KLF12: variants seen among roughly 807,000 people sequenced by gnomAD.
The protein encoded by KLF12 is Krueppel-like factor 12.
A neutral mutation model predicts 37.8 loss-of-function variants in KLF12; 9 were observed. The observed-to-expected ratio is 0.24, with a 90% CI of 0.14 to 0.42. KLF12 has a LOEUF of 0.42. Ranked by LOEUF, KLF12 falls within the 10% of genes least tolerant of loss-of-function variation. The pLI is 1.00. For synonymous variants in KLF12, 208 were observed against 202.1 expected (o/e 1.03, Z -0.25); for missense variants, 411 against 516.0 (o/e 0.80, Z 1.97).
chr13:73,947,991 T>C (rs1368296612), intron 2 of KLF12, among the ~76,000 whole-genome samples: 1 of 152,224 alleles, frequency 6.6e-6, no homozygotes, highest in African/African-American at 2.4e-5. Flanking sequence ...CAAGGGTTCC[T>C]GTCATAAGTC....
the KLF12 span, among the ~76,000 whole-genome samples, chr13:74,179,838 C>G: frequency 6.6e-6 from 1 of 152,150 alleles, no homozygotes; most frequent in African/African-American, 2.4e-5. Context: ...GTACAACAAC[C>G]CGTACTTTCC....
chr13:74,081,769 A>G (rs1874900840), intron 1 of KLF12, among the ~76,000 whole-genome samples: 1 of 152,210 alleles, frequency 6.6e-6, no homozygotes, highest in South Asian at 2.1e-4. Flanking sequence ...ACAATAACCT[A>G]TTCTCCTATA....
At chr13:74,294,340 T>G in the KLF12 span, among the ~76,000 whole-genome samples, 1 of 152,148 alleles carries the variant, frequency 6.6e-6, no homozygotes, top group Non-Finnish European at 1.5e-5. Context: ...TAATGTCACA[T>G]GTTTGGTTTT....
At chr13:74,221,995 T>C in the KLF12 span, among the ~76,000 whole-genome samples, 1 of 152,218 alleles carries the variant, frequency 6.6e-6, no homozygotes, top group Non-Finnish European at 1.5e-5. Flanking sequence ...TCCTTCCCTT[T>C]ACCCTACCAC....
chr13:74,200,999 G>T, the KLF12 span, among the ~76,000 whole-genome samples: 2 of 152,016 alleles, frequency 1.3e-5, no homozygotes, highest in African/African-American at 4.8e-5. Context: ...TTAAATGAAG[G>T]TATACTTGCA....
intron 3 of KLF12, among the ~76,000 whole-genome samples, chr13:73,926,271 A>G (rs1302560259): frequency 6.6e-6 from 1 of 152,110 alleles, no homozygotes; most frequent in Admixed American, 6.6e-5. Context: ...AGCCACCCCA[A>G]CCTCAGCAAC....
chr13:73,973,541 G>A (rs1390196673), intron 2 of KLF12, among the ~76,000 whole-genome samples: 5 of 152,060 alleles, frequency 3.3e-5, no homozygotes, highest in Non-Finnish European at 5.9e-5. Flanking sequence ...ACAGCAAAAC[G>A]GAAGATATAA....
At chr13:74,171,424 C>G in the KLF12 span, among the ~76,000 whole-genome samples, 31 of 152,220 alleles carry the variant, frequency 2.0e-4, no homozygotes, top group East Asian at 5.8e-3. Flanking sequence ...CGGAGGGACT[C>G]TGGAACTTCA....
At chr13:74,268,314 C>T in the KLF12 span, among the ~76,000 whole-genome samples, 4 of 152,060 alleles carry the variant, frequency 2.6e-5, no homozygotes, top group Non-Finnish European at 4.4e-5. Flanking sequence ...GTATTTGTGC[C>T]AACTGAAAAA....
At chr13:73,810,317 A>C (rs544012131) in intron 5 of KLF12, among the ~76,000 whole-genome samples, 13 of 152,338 alleles carry the variant, frequency 8.5e-5, no homozygotes, top group Non-Finnish European at 2.9e-5. Context: ...TTAAACAGTT[A>C]CACATTAAAA....
chr13:73,846,460 T>G, intron 3 of KLF12, 87 bp from the exon 4 acceptor site: 1 of 1,191,184 alleles, frequency 8.4e-7, no homozygotes, highest in East Asian at 2.4e-5. Flanking sequence ...CGTTTATTAC[T>G]TTTTCTCTTA....
At chr13:73,927,073 A>G (rs9318228) in intron 3 of KLF12, among the ~76,000 whole-genome samples, 36,489 of 152,198 alleles carry the variant, frequency 0.24, 4,969 homozygotes, top group East Asian at 0.58. Flanking sequence ...CTTACCACTT[A>G]AAATATAACA....
At chr13:73,957,104 AGAAAG>A (rs1890870354) in intron 2 of KLF12, among the ~76,000 whole-genome samples, 1 of 130,790 alleles carries the variant, frequency 7.6e-6, no homozygotes, top group African/African-American at 2.6e-5. Flanking sequence ...AGGAAAGGAA[AGAAAG>A]GAAAAGAAAG....
intron 1 of KLF12, among the ~76,000 whole-genome samples, chr13:74,059,383 T>C (rs1286610578): frequency 6.6e-6 from 1 of 152,252 alleles, no homozygotes; most frequent in Non-Finnish European, 1.5e-5. Flanking sequence ...GGGGTTGAAC[T>C]AGTTGTTCCC....
chr13:74,291,174 TG>T, the KLF12 span, among the ~76,000 whole-genome samples: 344 of 152,352 alleles, frequency 2.3e-3, 3 homozygotes, highest in African/African-American at 7.8e-3. Flanking sequence ...GTTAGGGTTT[TG>T]TGCCATTAAA....
chr13:74,134,597 T>A (rs1433546353), upstream of KLF12, among the ~76,000 whole-genome samples: 1 of 144,210 alleles, frequency 6.9e-6, no homozygotes, highest in Non-Finnish European at 1.5e-5. Flanking sequence ...CCCTTTCACC[T>A]GCACCACTTT....
chr13:73,849,591 G>A (rs377200856), intron 3 of KLF12, among the ~76,000 whole-genome samples: 20 of 152,156 alleles, frequency 1.3e-4, no homozygotes, highest in African/African-American at 3.9e-4. Context: ...GAGATACGGG[G>A]TATGCCACTC....
intron 5 of KLF12, among the ~76,000 whole-genome samples, chr13:73,772,636 G>A (rs1223607375): frequency 6.6e-6 from 1 of 152,170 alleles, no homozygotes; most frequent in East Asian, 1.9e-4. Flanking sequence ...GAGCCTGGAG[G>A]GGCAGGAGAT....
At chr13:73,725,613 A>G (rs1003240038) in intron 6 of KLF12, among the ~76,000 whole-genome samples, 2 of 151,718 alleles carry the variant, frequency 1.3e-5, no homozygotes, top group African/African-American at 4.8e-5. Context: ...AAAAGACAAA[A>G]TAAGGATTTT....
Sources: gnomAD v4.1 joint callset for allele counts (sites outside exome capture counted in the v4.1 genomes callset) on GRCh38, gnomAD v4.1.1 for gene constraint, MANE v1.5 for transcripts, NCBI Gene and HGNC (gene_info 2026-07-23, HGNC 2026-07-21) for gene names.